MTPN: variants seen among roughly 807,000 people sequenced by gnomAD.
MTPN encodes the protein granule cell differentiation protein.
MTPN carries 2 observed loss-of-function variants against 13.5 expected under a neutral mutation model. The ratio of observed to expected loss-of-function variants is 0.15; its 90% CI spans 0.06 to 0.47. The LOEUF (loss-of-function observed/expected upper bound fraction) is 0.47, where lower values mean the gene tolerates loss of function less well. Ranked by LOEUF, MTPN falls within the 20% of genes least tolerant of loss-of-function variation. The probability of loss-of-function intolerance (pLI) is 0.97; values close to 1 mark genes in which losing one functional copy is unlikely to be tolerated. For missense variants in MTPN, 79 were observed against 137.9 expected (o/e 0.57, Z 2.14); for synonymous variants, 46 against 51.7 (o/e 0.89, Z 0.48).
At chr7:135,933,954 C>T (rs1799070667) in intron 3 of MTPN, among the ~76,000 whole-genome samples, 1 of 152,150 alleles carries the variant, frequency 6.6e-6, no homozygotes, top group Admixed American at 6.5e-5. Flanking sequence ...CCTCCCCCTT[C>T]ACACTCTCTC....
intron 3 of MTPN, among the ~76,000 whole-genome samples, chr7:135,948,070 G>A (rs1799311366): frequency 6.6e-6 from 1 of 152,046 alleles, no homozygotes; most frequent in Non-Finnish European, 1.5e-5. Context: ...TAATCCATAA[G>A]AATTCTACTT....
At chr7:135,976,917 A>G (rs1799782738) in intron 1 of MTPN, 112 bp downstream of exon 1, 1 of 924,260 alleles carries the variant, frequency 1.1e-6, no homozygotes, top group Non-Finnish European at 1.7e-6. Context: ...TCCACCCAGG[A>G]AGTCTCTCCT....
At chr7:135,931,624 A>AC (rs1356917480) in intron 3 of MTPN, among the ~76,000 whole-genome samples, 1 of 152,196 alleles carries the variant, frequency 6.6e-6, no homozygotes, top group Non-Finnish European at 1.5e-5. Flanking sequence ...TTAAGGGATA[A>AC]CTGTATTCAA....
At chr7:135,965,443 AT>A (rs1040090108) in intron 1 of MTPN, among the ~76,000 whole-genome samples, 5 of 152,098 alleles carry the variant, frequency 3.3e-5, no homozygotes, top group Non-Finnish European at 7.4e-5. Flanking sequence ...ATAATAAAAA[AT>A]ATTTTCTAAG....
In MTPN at chr7:135,927,347, A is replaced by G. The variant is rs747244947; in HGVS notation, c.*2579T>C. 1.9e-6 allele frequency: 3 copies of G among 1,551,386 alleles called. No homozygotes were observed. The highest frequency in any genetic ancestry group is 2.6e-6 in the Non-Finnish European group (3 of 1,146,782). ...CTGTATTTGAACGATAAGCCTATAGATAACAGTCTGAAGCTGCAAGGGAGA... is the reference window on the plus strand; with the variant it reads ...CTGTATTTGAACGATAAGCCTATAGGTAACAGTCTGAAGCTGCAAGGGAGA... On this transcript the variant is annotated 3_prime_UTR_variant, in exon 4 of 4. Transcript: ENST00000393085.
At chr7:135,974,763 T>C (rs953529565) in intron 1 of MTPN, among the ~76,000 whole-genome samples, 1 of 152,080 alleles carries the variant, frequency 6.6e-6, no homozygotes, top group Admixed American at 6.5e-5. Flanking sequence ...ACTCAAAAAG[T>C]GAGTGTTCAC....
chr7:135,944,712 G>T (rs1428402420), intron 3 of MTPN, among the ~76,000 whole-genome samples: 6 of 152,058 alleles, frequency 3.9e-5, no homozygotes, highest in Admixed American at 2.6e-4. Flanking sequence ...TAATACTACA[G>T]GCAAACTACT....
chr7:135,954,685 G>A (rs1325047983), intron 1 of MTPN, among the ~76,000 whole-genome samples: 1 of 152,194 alleles, frequency 6.6e-6, no homozygotes, highest in Non-Finnish European at 1.5e-5. Flanking sequence ...GCTCACGCCT[G>A]TAATCCTAGC....
intron 3 of MTPN, among the ~76,000 whole-genome samples, chr7:135,935,236 T>C (rs897375819): frequency 2.3e-5 from 3 of 131,722 alleles, no homozygotes; most frequent in Non-Finnish European, 3.6e-5. Flanking sequence ...GATGCAATGA[T>C]TTCTTTCTTT....
At chr7:135,965,880 A>G (rs887442536) in intron 1 of MTPN, among the ~76,000 whole-genome samples, 8 of 151,986 alleles carry the variant, frequency 5.3e-5, no homozygotes, top group Non-Finnish European at 8.8e-5. Flanking sequence ...ACAACAAAGG[A>G]AGGGATAGTT....
chr7:135,942,754 G>A (rs1203404252), intron 3 of MTPN, among the ~76,000 whole-genome samples: 2 of 152,150 alleles, frequency 1.3e-5, no homozygotes, highest in Admixed American at 1.3e-4. Flanking sequence ...GAAAGCTTAG[G>A]CTGAGATATT....
At position 135,951,535 on chromosome 7, in the gene MTPN, C is replaced by T. The variant is rs1438685542; in HGVS notation, c.168G>A (p.Leu56=). The stretch of plus-strand genomic sequence containing the variant: ...TACGTACATTAATATCTGCTCCTTT[C>T]AGCAGCAGAAATTCCAGGATTTCAA... ...GQLEILEFLL[L]KGADINAPDK... is the part of the protein sequence containing the mutation. Residue 56 remains leucine, a synonymous_variant, in exon 2 of 4, where the codon CTG becomes CTA. Coordinates refer to ENST00000393085, the MANE Select transcript of MTPN (RefSeq NM_145808.4). The T allele has an allele frequency of 1.9e-6, 3 of 1,612,230 alleles. No individual in the cohort carries two copies. Among genetic ancestry groups the T allele is most frequent in the Non-Finnish European group, 1.7e-6 (2 of 1,178,776 alleles).
chr7:135,927,758 A>T lies in MTPN; in HGVS notation c.*2168T>A, dbSNP rs1425368917. 3 of 469,360 alleles carry T rather than the reference A, an allele frequency of 6.4e-6. No individual in the cohort carries two copies. The highest frequency in any genetic ancestry group is 4.8e-5 in the South Asian group (3 of 61,916). The allele number at this position is 469,360 out of a possible 1,614,324, so 29.1% of individuals were successfully genotyped here. A position where few individuals can be genotyped will look rare whatever the true frequency, so the allele number is the denominator to read the frequency against. ...AATTATAGGGTTTACAAAAAGGTCG[A>T]GAAAGAAAAGCGAAGGCGAAATAGC... is the stretch of plus-strand genomic sequence containing the variant. On this transcript the variant is annotated 3_prime_UTR_variant, in exon 4 of 4. Coordinates refer to ENST00000393085, the MANE Select transcript of MTPN (RefSeq NM_145808.4).
chr7:135,939,683 C>T (rs1220651062), intron 3 of MTPN, among the ~76,000 whole-genome samples: 7 of 149,114 alleles, frequency 4.7e-5, no homozygotes, highest in South Asian at 4.2e-4. Flanking sequence ...CAGACTTTCT[C>T]GTTTAGATCA....
In MTPN at chr7:135,951,463, C is replaced by T. The variant is rs1447998502; in HGVS notation, c.186+54G>A. ...TTTTATAATCTATAGAAAACAATTACCCATAGCATATTAACAGAAAATTTT... is the reference window on the plus strand; with the variant it reads ...TTTTATAATCTATAGAAAACAATTATCCATAGCATATTAACAGAAAATTTT... On this transcript the variant is annotated intron_variant, in intron 2 of 3. Transcript: ENST00000393085. The T allele has an allele frequency of 1.4e-5, 15 of 1,042,636 alleles. No homozygotes were observed. The East Asian group carries it at 3.4e-4, about 24-fold the overall frequency. The allele number at this position is 1,042,636 out of a possible 1,614,324, so 64.6% of individuals were successfully genotyped here.
chr7:135,960,147 A>G (rs1444752991), intron 1 of MTPN, among the ~76,000 whole-genome samples: 1 of 152,134 alleles, frequency 6.6e-6, no homozygotes, highest in African/African-American at 2.4e-5. Context: ...AGGCAAGACA[A>G]CAAGTAAACC....
At chr7:135,956,512 A>C (rs571993448) in intron 1 of MTPN, among the ~76,000 whole-genome samples, 29 of 152,228 alleles carry the variant, frequency 1.9e-4, no homozygotes, top group African/African-American at 7.0e-4. Flanking sequence ...TCTACTTATT[A>C]TAGACCTTAG....
rs1269702133 is a variant in MTPN, at chr7:135,977,026, T to G, written c.72+3A>C. On this transcript the variant is annotated splice_donor_region_variant and intron_variant, in intron 1 of 3. Transcript: ENST00000393085. ...CTCGCCTACTCTTCTCATCCCCGCT[T>G]ACCTTGGCCACATAGTCTTTCACCT... The G allele has an allele frequency of 6.8e-6, 11 of 1,612,650 alleles. No individual in the cohort carries two copies. Among genetic ancestry groups the G allele is most frequent in the African/African-American group, 1.3e-5 (1 of 74,812 alleles).
chr7:135,947,475 G>T (rs1799302350), intron 3 of MTPN, among the ~76,000 whole-genome samples: 1 of 152,014 alleles, frequency 6.6e-6, no homozygotes, highest in African/African-American at 2.4e-5. Context: ...GTCACTGGGG[G>T]CAAAAAGAGA....
Sources: allele counts gnomAD v4.1 joint callset (sites outside exome capture counted in the v4.1 genomes callset), GRCh38; gene constraint gnomAD v4.1.1; transcripts MANE v1.5; gene names NCBI Gene and HGNC (gene_info 2026-07-23, HGNC 2026-07-21).